Variants in CSMD2 observed in about 807,000 individuals in gnomAD.
CSMD2 encodes the protein CUB and Sushi multiple domains 2.
Under a neutral mutation model 398.5 loss-of-function variants are expected in CSMD2, and 130 were observed. That is an observed-to-expected ratio of 0.33 (90% CI 0.28 to 0.38). The LOEUF is 0.38. Ranked by LOEUF, CSMD2 falls within the 10% of genes least tolerant of loss-of-function variation. The probability of loss-of-function intolerance (pLI) is 1.00; values close to 1 mark genes in which losing one functional copy is unlikely to be tolerated. For missense variants in CSMD2, 3,829 were observed against 4,764.9 expected (o/e 0.80, Z 5.78); for synonymous variants, 1,828 against 1,908.5 (o/e 0.96, Z 1.10).
intron 12 of CSMD2, among the ~76,000 whole-genome samples, chr1:33,775,801 A>G (rs1651892853): frequency 6.6e-6 from 1 of 152,212 alleles, no homozygotes; most frequent in Admixed American, 6.5e-5. Flanking sequence ...GAAATTACCC[A>G]AGGAGAGTGA....
At position 33,724,525 on chromosome 1, in the gene CSMD2, T is replaced by A; in HGVS notation, c.2875A>T (p.Ser959Cys). ...TCATGGTGTCCCTCACCTTCACAAC[T>A]GGGCAGGGCCCGGCTCCACTGGAAG... ...PNFQWSRALP[S>C]CEALCGGFIQ... Residue 959 changes from serine to cysteine, a missense_variant, in exon 18 of 71, where the codon AGT (serine) becomes TGT (cysteine). By Grantham distance (112) the Ser-to-Cys change is moderately radical. Around this residue, in one of 5 missense-constraint regions of CSMD2, gnomAD observed 2,001 missense variants for 2,567.1 expected, o/e 0.78. Coordinates refer to ENST00000373381, the MANE Select transcript of CSMD2 (RefSeq NM_001281956.2). 6.2e-7 allele frequency: 1 copy of A among 1,613,774 alleles called. No individual in the cohort carries two copies. The highest frequency in any genetic ancestry group is 1.1e-5 in the South Asian group (1 of 91,006).
intron 40 of CSMD2, among the ~76,000 whole-genome samples, chr1:33,612,378 C>T (rs1334001598): frequency 6.6e-6 from 1 of 152,182 alleles, no homozygotes; most frequent in Non-Finnish European, 1.5e-5. Flanking sequence ...CCATTCCTTT[C>T]CTGCCCTCCA....
Position 33,559,481 on chromosome 1 carries a change from C to T in CSMD2, c.8381-8G>A. The T allele has an allele frequency of 6.5e-7, 1 of 1,535,742 alleles. No individual in the cohort carries two copies. Among genetic ancestry groups the T allele is most frequent in the Non-Finnish European group, 8.7e-7 (1 of 1,146,636 alleles). On this transcript the variant is annotated splice_polypyrimidine_tract_variant and splice_region_variant and intron_variant, in intron 53 of 70. Coordinates refer to ENST00000373381, the MANE Select transcript of CSMD2 (RefSeq NM_001281956.2). This position sits in a 1 kb window ranked among gnomAD's most constrained non-coding sequence, Gnocchi z 4.0. ...GGTGTCCACAGGTAATTGCTGTAAC[C>T]AAAACAGAAGATAGGTAAGCCCTCC...
intron 3 of CSMD2, among the ~76,000 whole-genome samples, chr1:33,982,751 A>G (rs114551421): frequency 0.044 from 6,643 of 152,296 alleles, 494 homozygotes; most frequent in African/African-American, 0.15. Context: ...AGGGCATGGC[A>G]CCCTCAAGGC....
At chr1:33,700,108 A>G (rs942641058) in intron 23 of CSMD2, among the ~76,000 whole-genome samples, 39 of 151,978 alleles carry the variant, frequency 2.6e-4, no homozygotes, top group South Asian at 4.2e-4. Context: ...TTCCGGGTTC[A>G]AGCAATTCTC....
intron 15 of CSMD2, among the ~76,000 whole-genome samples, chr1:33,732,776 A>AG (rs1353536116): frequency 1.3e-5 from 2 of 152,338 alleles, no homozygotes; most frequent in East Asian, 3.9e-4. Flanking sequence ...CAAGGCAAAG[A>AG]GGAATAGGGA....
At chr1:33,730,634 T>G (rs891552898) in intron 15 of CSMD2, among the ~76,000 whole-genome samples, 3 of 151,680 alleles carry the variant, frequency 2.0e-5, no homozygotes, top group Non-Finnish European at 4.4e-5. Flanking sequence ...AAAAAAACCC[T>G]TAAACTATTC....
At chr1:34,100,022 A>T (rs188177451) in intron 1 of CSMD2, among the ~76,000 whole-genome samples, 1 of 152,332 alleles carries the variant, frequency 6.6e-6, no homozygotes, top group East Asian at 1.9e-4. Flanking sequence ...GCAAGATTTA[A>T]AAAGAGAAAA....
chr1:33,965,446 C>A (rs564135905), intron 3 of CSMD2, among the ~76,000 whole-genome samples: 1 of 152,194 alleles, frequency 6.6e-6, no homozygotes, highest in African/African-American at 2.4e-5. Context: ...TGCTGGTGAC[C>A]CTCTCCATAC....
intron 28 of CSMD2, among the ~76,000 whole-genome samples, chr1:33,651,086 T>C (rs1429174229): frequency 6.6e-6 from 1 of 152,130 alleles, no homozygotes. Flanking sequence ...ATTTCAGCAT[T>C]TTTGAGTGAC....
chr1:33,895,399 T>G (rs1458425258), intron 5 of CSMD2, among the ~76,000 whole-genome samples: 1 of 151,866 alleles, frequency 6.6e-6, no homozygotes, highest in East Asian at 1.9e-4. Flanking sequence ...TGGCCCTACA[T>G]GGGGGTACTG....
chr1:33,702,501 G>A (rs1482320634), intron 22 of CSMD2, among the ~76,000 whole-genome samples: 1 of 152,046 alleles, frequency 6.6e-6, no homozygotes, highest in African/African-American at 2.4e-5. Context: ...ATAACTTTCA[G>A]AACTTACAAC....
At chr1:34,029,162 C>G (rs1379410805) in intron 3 of CSMD2, among the ~76,000 whole-genome samples, 1 of 152,168 alleles carries the variant, frequency 6.6e-6, no homozygotes, top group Non-Finnish European at 1.5e-5. Flanking sequence ...GCAGCCTAGG[C>G]TGGAAGTGGG....
At chr1:33,603,584 C>T (rs943049179) in intron 42 of CSMD2, among the ~76,000 whole-genome samples, 2 of 152,210 alleles carry the variant, frequency 1.3e-5, no homozygotes, top group African/African-American at 2.4e-5. Context: ...AGCTGAATAT[C>T]TCCTGGGTGC....
chr1:33,863,906 C>T (rs1639744479), intron 5 of CSMD2: 1 of 340,280 alleles, frequency 2.9e-6, no homozygotes. Flanking sequence ...CATCATCTTT[C>T]ATGAGAGGCA....
intron 42 of CSMD2, among the ~76,000 whole-genome samples, chr1:33,603,316 G>T (rs191441505): frequency 1.2e-3 from 179 of 152,288 alleles, no homozygotes; most frequent in African/African-American, 4.1e-3. Context: ...AGGATGAAAA[G>T]ACTTTGACAT....
chr1:34,144,171 C>T (rs1259793552), intron 1 of CSMD2, among the ~76,000 whole-genome samples: 1 of 152,136 alleles, frequency 6.6e-6, no homozygotes, highest in Non-Finnish European at 1.5e-5. Flanking sequence ...GGGGCTCCTA[C>T]CATTCCTCTT....
At chr1:34,098,152 C>G (rs1337508118) in intron 1 of CSMD2, among the ~76,000 whole-genome samples, 11 of 121,506 alleles carry the variant, frequency 9.1e-5, no homozygotes, top group Non-Finnish European at 1.7e-4. Context: ...TCTCAGTAAA[C>G]TATCACAAGA....
intron 3 of CSMD2, among the ~76,000 whole-genome samples, chr1:33,956,451 G>A (rs867991040): frequency 5.9e-5 from 9 of 152,064 alleles, no homozygotes; most frequent in African/African-American, 2.2e-4. Context: ...CCTTCACTTC[G>A]CATAATGTCC....
Sources: allele counts gnomAD v4.1 joint callset (sites outside exome capture counted in the v4.1 genomes callset), GRCh38; gene constraint gnomAD v4.1.1; regional missense constraint gnomAD v4.1.1; non-coding constraint Gnocchi (gnomAD v3.1); transcripts MANE v1.5; gene names NCBI Gene and HGNC (gene_info 2026-07-23, HGNC 2026-07-21).